HS6ST3: variants seen among roughly 807,000 people sequenced by gnomAD.
HS6ST3 encodes the protein heparan sulfate 6-O-sulfotransferase 3, also known as heparan-sulfate 6-O-sulfotransferase 3.
A neutral mutation model predicts 36.7 loss-of-function variants in HS6ST3; 12 were observed. That is an observed-to-expected ratio of 0.33 (90% CI 0.21 to 0.53). HS6ST3 has a LOEUF of 0.53. Among genes scored for constraint, HS6ST3 ranks in the 20% least tolerant of loss-of-function variants. HS6ST3 has a pLI of 0.95. For synonymous variants in HS6ST3, 240 were observed against 257.5 expected (o/e 0.93, Z 0.65); for missense variants, 584 against 640.9 (o/e 0.91, Z 0.96).
At chr13:96,735,060 A>G (rs573688275) in intron 1 of HS6ST3, among the ~76,000 whole-genome samples, 1 of 152,302 alleles carries the variant, frequency 6.6e-6, no homozygotes, top group East Asian at 1.9e-4. Flanking sequence ...CAAATTAAGA[A>G]CATAGTATAT....
intron 1 of HS6ST3, among the ~76,000 whole-genome samples, chr13:96,640,085 A>G (rs895236200): frequency 6.6e-6 from 1 of 152,004 alleles, no homozygotes; most frequent in African/African-American, 2.4e-5. Flanking sequence ...GTATATACTC[A>G]GTAATGGGAT....
At chr13:96,381,362 A>G (rs1378245296) in intron 1 of HS6ST3, among the ~76,000 whole-genome samples, 2 of 119,168 alleles carry the variant, frequency 1.7e-5, no homozygotes, top group African/African-American at 2.8e-5. Context: ...ATGTGTGTGT[A>G]TATCTATTTA....
At chr13:96,246,867 G>A (rs930434798) in intron 1 of HS6ST3, among the ~76,000 whole-genome samples, 1 of 152,094 alleles carries the variant, frequency 6.6e-6, no homozygotes, top group African/African-American at 2.4e-5. Context: ...GATGTGACAG[G>A]CTTCAAAAAT....
At chr13:96,120,197 A>C (rs757670499) in intron 1 of HS6ST3, among the ~76,000 whole-genome samples, 3 of 152,232 alleles carry the variant, frequency 2.0e-5, no homozygotes, top group Admixed American at 6.5e-5. Flanking sequence ...CCCAGAAGCT[A>C]GGAAGAGGCA....
At chr13:96,389,745 C>T (rs1352544210) in intron 1 of HS6ST3, among the ~76,000 whole-genome samples, 1 of 152,020 alleles carries the variant, frequency 6.6e-6, no homozygotes, top group Admixed American at 6.6e-5. Flanking sequence ...TAGCTGAAAC[C>T]CTTTATTTTA....
intron 1 of HS6ST3, among the ~76,000 whole-genome samples, chr13:96,312,106 T>G (rs963183149): frequency 1.3e-5 from 2 of 152,192 alleles, no homozygotes; most frequent in African/African-American, 4.8e-5. Flanking sequence ...GGGCACTGCA[T>G]AATCTGAACC....
chr13:96,332,003 G>A (rs1432904261), intron 1 of HS6ST3, among the ~76,000 whole-genome samples: 8 of 152,304 alleles, frequency 5.3e-5, no homozygotes, highest in Middle Eastern at 3.4e-3. Flanking sequence ...GACCCCTTGC[G>A]CTTCCCAAGT....
intron 1 of HS6ST3, among the ~76,000 whole-genome samples, chr13:96,297,988 AT>A (rs1365476363): frequency 2.6e-5 from 4 of 152,180 alleles, no homozygotes; most frequent in Admixed American, 6.5e-5. Context: ...ATTAAAAACT[AT>A]TTACAAAACT....
intron 1 of HS6ST3, among the ~76,000 whole-genome samples, chr13:96,225,663 A>G (rs1161136181): frequency 1.3e-5 from 2 of 152,232 alleles, no homozygotes; most frequent in Non-Finnish European, 2.9e-5. Flanking sequence ...CTATTTTAAT[A>G]AATGATACAT....
chr13:96,437,464 A>G (rs1001652369), intron 1 of HS6ST3, among the ~76,000 whole-genome samples: 1 of 152,116 alleles, frequency 6.6e-6, no homozygotes, highest in Non-Finnish European at 1.5e-5. Flanking sequence ...CTTCTTTCTC[A>G]TTTCCAGTCT....
rs183751015 is a variant in HS6ST3 at position 96,494,754 on chromosome 13, G to C, written c.708-337736G>C. On this transcript the variant is annotated intron_variant, in intron 1 of 1. Transcript: ENST00000376705. Reference sequence around the variant, plus strand: ...GCACGTCTTCGGTATACATATGCTGGTTCAACCCCATTAGTGTGGGATATT... The same window carrying C: ...GCACGTCTTCGGTATACATATGCTGCTTCAACCCCATTAGTGTGGGATATT... 4.5e-3 allele frequency among the ~76,000 whole-genome samples: 690 copies of C among 152,090 alleles called. 17 individuals are homozygous for C. The highest frequency in any genetic ancestry group is 2.5e-3 in the Non-Finnish European group (172 of 68,000).
rs111369510 is a variant in HS6ST3, at chr13:96,565,322, T to A, written c.708-267168T>A. On this transcript the variant is annotated intron_variant, in intron 1 of 1. Coordinates refer to ENST00000376705, the MANE Select transcript of HS6ST3 (RefSeq NM_153456.4). ...AACAGAAGGGGATACTAATGAGGAG[T>A]GATCCAGTTTGCTCCACAGACTCCC... is the stretch of plus-strand genomic sequence containing the variant. 5.3e-3 allele frequency among the ~76,000 whole-genome samples: 800 copies of A among 152,048 alleles called. 5 individuals carry two copies. The highest frequency in any genetic ancestry group is 0.017 in the Middle Eastern group (5 of 294).
chr13:96,191,582 A>G (rs1430528237), intron 1 of HS6ST3, among the ~76,000 whole-genome samples: 1 of 152,124 alleles, frequency 6.6e-6, no homozygotes, highest in Admixed American at 6.5e-5. Flanking sequence ...TCTTATGTGC[A>G]CTTACTGCCT....
At chr13:96,829,779 C>G (rs1878734248) in intron 1 of HS6ST3, among the ~76,000 whole-genome samples, 1 of 152,134 alleles carries the variant, frequency 6.6e-6, no homozygotes, top group Non-Finnish European at 1.5e-5. Flanking sequence ...CATGTCTTTG[C>G]TATCACGAAT....
At chr13:96,172,234 A>G (rs932413029) in intron 1 of HS6ST3, among the ~76,000 whole-genome samples, 3 of 152,354 alleles carry the variant, frequency 2.0e-5, no homozygotes, top group East Asian at 3.9e-4. Flanking sequence ...TCATGTGGAT[A>G]CTTGCCTTTT....
chr13:96,206,060 A>G (rs1399581467), intron 1 of HS6ST3, among the ~76,000 whole-genome samples: 3 of 152,178 alleles, frequency 2.0e-5, no homozygotes, highest in Non-Finnish European at 4.4e-5. Flanking sequence ...ATATCTAGAA[A>G]ACCCCATCAT....
At chr13:96,227,908 G>A (rs1441595882) in intron 1 of HS6ST3, among the ~76,000 whole-genome samples, 1 of 152,084 alleles carries the variant, frequency 6.6e-6, no homozygotes, top group African/African-American at 2.4e-5. Context: ...CAATTCTACG[G>A]TTGGGTATTC....
chr13:96,349,354 A>C (rs2055171073), intron 1 of HS6ST3, among the ~76,000 whole-genome samples: 1 of 152,060 alleles, frequency 6.6e-6, no homozygotes, highest in Non-Finnish European at 1.5e-5. Context: ...TATTCTTCTT[A>C]AGAAAGTGAT....
chr13:96,656,955 TTG>T (rs754838881), intron 1 of HS6ST3, among the ~76,000 whole-genome samples: 4,808 of 121,908 alleles, frequency 0.039, 105 homozygotes, highest in South Asian at 0.053. Flanking sequence ...GGCTTTTCTT[TTG>T]TGTGTGTGTG....
Sources: allele counts gnomAD v4.1 joint callset (sites outside exome capture counted in the v4.1 genomes callset), GRCh38; gene constraint gnomAD v4.1.1; transcripts MANE v1.5; gene names NCBI Gene and HGNC (gene_info 2026-07-23, HGNC 2026-07-21).